Variants in FHIT observed in about 807,000 individuals in gnomAD.
The protein encoded by FHIT is fragile histidine triad diadenosine triphosphatase, also known as bis(5'-adenosyl)-triphosphatase.
A neutral mutation model predicts 17.9 loss-of-function variants in FHIT; 19 were observed. The ratio of observed to expected loss-of-function variants is 1.06; its 90% confidence interval spans 0.74 to 1.56. The LOEUF (loss-of-function observed/expected upper bound fraction) is 1.56, where lower values mean the gene tolerates loss of function less well. Among genes scored for constraint, FHIT ranks in the 40% most tolerant of loss-of-function variants. The pLI, the probability that FHIT is intolerant of heterozygous loss-of-function variation, is 0.00. For synonymous variants in FHIT, 81 were observed against 69.7 expected (o/e 1.16, Z -0.81); for missense variants, 248 against 189.2 (o/e 1.31, Z -1.82).
chr3:60,210,258 A>G (rs1703387970), intron 5 of FHIT, among the ~76,000 whole-genome samples: 1 of 152,152 alleles, frequency 6.6e-6, no homozygotes, highest in African/African-American at 2.4e-5. Context: ...ACATGAAGAA[A>G]GGTAAAATCA....
chr3:60,935,326 G>T (rs957038279), intron 3 of FHIT, among the ~76,000 whole-genome samples: 9 of 152,080 alleles, frequency 5.9e-5, no homozygotes, highest in African/African-American at 2.2e-4. Flanking sequence ...AAATAACAAT[G>T]ACCAAAAACA....
chr3:60,225,704 C>T (rs185323521), intron 5 of FHIT, among the ~76,000 whole-genome samples: 2 of 152,266 alleles, frequency 1.3e-5, no homozygotes, highest in African/African-American at 4.8e-5. Context: ...GCATTTAATG[C>T]AAAACTTGCC....
At chr3:60,521,431 T>A (rs973949051) in intron 5 of FHIT, among the ~76,000 whole-genome samples, 15 of 152,036 alleles carry the variant, frequency 9.9e-5, no homozygotes, top group African/African-American at 3.6e-4. Context: ...GTATTTTTAG[T>A]AGAGACGGGG....
chr3:61,023,842 A>G (rs1319588207), intron 3 of FHIT, among the ~76,000 whole-genome samples: 8 of 152,192 alleles, frequency 5.3e-5, no homozygotes, highest in African/African-American at 1.9e-4. Context: ...TTATACAAAA[A>G]TTAACTCAAG....
chr3:61,060,300 G>C (rs762173134), intron 2 of FHIT, among the ~76,000 whole-genome samples: 2 of 152,130 alleles, frequency 1.3e-5, no homozygotes, highest in Non-Finnish European at 2.9e-5. Flanking sequence ...TGGTGAAATT[G>C]GTTATATGTT....
intron 8 of FHIT, among the ~76,000 whole-genome samples, chr3:59,805,479 C>T (rs1228631362): frequency 1.3e-5 from 2 of 151,950 alleles, no homozygotes; most frequent in African/African-American, 2.4e-5. Flanking sequence ...GGAGAGGTGC[C>T]CTGAAGAAAG....
chr3:60,449,999 C>CAAAAAAAAAAA (rs35302096), intron 5 of FHIT, among the ~76,000 whole-genome samples: 1 of 65,072 alleles, frequency 1.5e-5, no homozygotes. Context: ...TAGACTCTGT[C>CAAAAAAAAAAA]AAAAAAAAAA....
intron 8 of FHIT, among the ~76,000 whole-genome samples, chr3:59,846,001 A>G (rs1701704932): frequency 6.6e-6 from 1 of 152,138 alleles, no homozygotes; most frequent in African/African-American, 2.4e-5. Context: ...GTCTGTGAAG[A>G]CAGTATATAG....
At chr3:60,957,431 G>A (rs1442905728) in intron 3 of FHIT, among the ~76,000 whole-genome samples, 1 of 151,888 alleles carries the variant, frequency 6.6e-6, no homozygotes, top group South Asian at 2.1e-4. Flanking sequence ...TAGAGATGGG[G>A]TTTCACCGTG....
At chr3:60,012,636 A>G (rs1262676009) in intron 6 of FHIT, among the ~76,000 whole-genome samples, 1 of 151,872 alleles carries the variant, frequency 6.6e-6, no homozygotes, top group African/African-American at 2.4e-5. Flanking sequence ...GTTTTGTGAA[A>G]CTCTGGTTTC....
chr3:60,710,074 T>TAA lies in FHIT; in HGVS notation c.-18+111843_-18+111844dup, dbSNP rs782196858. On this transcript the variant is annotated intron_variant, in intron 4 of 9. Coordinates refer to ENST00000492590, the MANE Select transcript of FHIT (RefSeq NM_002012.4). The stretch of plus-strand genomic sequence containing the variant: ...CTTCCCATTTCAGCACACAGAATGC[T>TAA]AAAAAAAAAAAAAAAAAAAAACTCA... Among the ~76,000 whole-genome samples the TAA allele has an allele frequency of 7.9e-3, 637 of 80,544 alleles. 4 individuals are homozygous for TAA. The highest frequency in any genetic ancestry group is 0.021 in the Admixed American group (164 of 7,666). 52.8% of individuals were successfully genotyped at this position (80,544 alleles called of 152,430 possible). A position where few individuals can be genotyped will look rare whatever the true frequency, so the allele number is the denominator to read the frequency against.
intron 8 of FHIT, among the ~76,000 whole-genome samples, chr3:59,846,379 TAAC>T (rs765590639): frequency 1.6e-4 from 24 of 152,136 alleles, no homozygotes; most frequent in Admixed American, 3.9e-4. Context: ...TGTGCTACTT[TAAC>T]AACATTATAC....
At chr3:59,979,590 AG>A (rs912304943) in intron 7 of FHIT, among the ~76,000 whole-genome samples, 63 of 152,206 alleles carry the variant, frequency 4.1e-4, no homozygotes, top group African/African-American at 1.5e-3. Context: ...CATCTCAGGC[AG>A]GGGTAAGAAA....
intron 5 of FHIT, among the ~76,000 whole-genome samples, chr3:60,104,864 T>C (rs1261572996): frequency 1.3e-5 from 2 of 152,158 alleles, no homozygotes; most frequent in Non-Finnish European, 2.9e-5. Context: ...GGTCCTCCTC[T>C]TCAGAAAGGA....
intron 3 of FHIT, among the ~76,000 whole-genome samples, chr3:61,000,270 G>A (rs747720490): frequency 6.6e-6 from 1 of 152,174 alleles, no homozygotes; most frequent in African/African-American, 2.4e-5. Context: ...GAGGACCTGA[G>A]CAGTGCATTA....
At chr3:61,068,673 G>A (rs13099522) in intron 2 of FHIT, among the ~76,000 whole-genome samples, 83,267 of 150,794 alleles carry the variant, frequency 0.55, 23,855 homozygotes, top group Non-Finnish European at 0.64. Context: ...GAGGGCGCAT[G>A]ATTCTACCTA....
At chr3:60,602,181 T>C (rs1249384965) in intron 4 of FHIT, among the ~76,000 whole-genome samples, 1 of 152,128 alleles carries the variant, frequency 6.6e-6, no homozygotes, top group Non-Finnish European at 1.5e-5. Flanking sequence ...TGGGTGGAAA[T>C]GATACAGTAT....
chr3:59,996,527 G>C (rs955384626), intron 7 of FHIT, among the ~76,000 whole-genome samples: 1 of 151,980 alleles, frequency 6.6e-6, no homozygotes, highest in Non-Finnish European at 1.5e-5. Flanking sequence ...TGCAGCTTTC[G>C]AATACTTGAA....
intron 2 of FHIT, among the ~76,000 whole-genome samples, chr3:61,188,233 A>G (rs980652462): frequency 1.1e-4 from 17 of 152,214 alleles, no homozygotes; most frequent in Non-Finnish European, 2.4e-4. Context: ...GATGCAGTAA[A>G]AAATGATAAA....
Sources: gnomAD v4.1 joint callset for allele counts (sites outside exome capture counted in the v4.1 genomes callset) on GRCh38, gnomAD v4.1.1 for gene constraint, MANE v1.5 for transcripts, NCBI Gene and HGNC (gene_info 2026-07-23, HGNC 2026-07-21) for gene names.